CADPS: variants seen among roughly 807,000 people sequenced by gnomAD.
CADPS encodes the protein calcium dependent secretion activator.
Under a neutral mutation model 167.3 loss-of-function variants are expected in CADPS, and 57 were observed. That is an observed-to-expected ratio of 0.34 (90% CI 0.28 to 0.42). The LOEUF (loss-of-function observed/expected upper bound fraction) is 0.42, where lower values mean the gene tolerates loss of function less well. Among genes scored for constraint, CADPS ranks in the 20% least tolerant of loss-of-function variants. CADPS has a pLI of 1.00. For synonymous variants in CADPS, 676 were observed against 635.3 expected, an observed-to-expected ratio of 1.06 and a Z score of -0.96; for missense variants, 1,414 against 1,738.1, an observed-to-expected ratio of 0.81 and a Z score of 3.32.
chr3:62,855,664 C>G (rs1413713220), intron 1 of CADPS, among the ~76,000 whole-genome samples: 1 of 152,032 alleles, frequency 6.6e-6, no homozygotes, highest in African/African-American at 2.4e-5. Flanking sequence ...CGTAAGTTGT[C>G]AAATGTCTAG....
At chr3:62,771,587 TAGAG>T (rs551332551) in intron 1 of CADPS, among the ~76,000 whole-genome samples, 1 of 152,158 alleles carries the variant, frequency 6.6e-6, no homozygotes, top group African/African-American at 2.4e-5. Context: ...ATGAGCCGCT[TAGAG>T]AGAGAATCCT....
intron 1 of CADPS, among the ~76,000 whole-genome samples, chr3:62,821,319 C>G (rs1051985434): frequency 6.8e-6 from 1 of 147,256 alleles, no homozygotes; most frequent in Non-Finnish European, 1.5e-5. Flanking sequence ...TGTTGGTTTT[C>G]TAGGCTGCCT....
chr3:62,475,141 A>T (rs1282235424), intron 23 of CADPS, among the ~76,000 whole-genome samples: 1 of 152,262 alleles, frequency 6.6e-6, no homozygotes, highest in East Asian at 1.9e-4. Context: ...CATAATTCTG[A>T]CATTGGTCAA....
intron 1 of CADPS, among the ~76,000 whole-genome samples, chr3:62,797,631 A>G (rs568082294): frequency 6.6e-6 from 1 of 152,238 alleles, no homozygotes; most frequent in South Asian, 2.1e-4. Context: ...ACATGGACAC[A>G]TAGAGAAGAA....
chr3:62,646,331 ATT>A (rs966175782), intron 5 of CADPS, among the ~76,000 whole-genome samples: 2 of 144,466 alleles, frequency 1.4e-5, no homozygotes, highest in African/African-American at 2.5e-5. Flanking sequence ...TGCCCAGCTA[ATT>A]TTTTTTTTTT....
chr3:62,595,664 G>A lies in CADPS; in HGVS notation c.1326-2916C>T, dbSNP rs141509627. On this transcript the variant is annotated intron_variant, in intron 6 of 29. Transcript: ENST00000383710. ...TATTTATTTAATGATTAGATGACAT[G>A]TAATAATTGTACATATTTATAGCTA... Among the ~76,000 whole-genome samples the A allele has an allele frequency of 5.4e-3, 821 of 152,246 alleles. 7 individuals are homozygous for A. Among genetic ancestry groups the A allele is most frequent in the African/African-American group, 0.019 (778 of 41,534 alleles).
At chr3:62,403,409 A>T (rs1707148641) in intron 28 of CADPS, 1 of 340,560 alleles carries the variant, frequency 2.9e-6, no homozygotes, top group Admixed American at 4.7e-5. Flanking sequence ...GACAGTTAGG[A>T]CTTCGAATCT....
At chr3:62,624,263 G>A (rs2063641977) in intron 6 of CADPS, among the ~76,000 whole-genome samples, 1 of 152,102 alleles carries the variant, frequency 6.6e-6, no homozygotes, top group South Asian at 2.1e-4. Flanking sequence ...GTTTGTATCT[G>A]ACTGCTTTGG....
intron 3 of CADPS, among the ~76,000 whole-genome samples, chr3:62,701,352 C>T (rs1485219598): frequency 2.0e-5 from 3 of 152,048 alleles, no homozygotes; most frequent in South Asian, 4.1e-4. Context: ...CTGAAAGCCA[C>T]CCCACTTAAG....
At chr3:62,596,603 A>G (rs2058981880) in intron 6 of CADPS, among the ~76,000 whole-genome samples, 1 of 152,218 alleles carries the variant, frequency 6.6e-6, no homozygotes, top group African/African-American at 2.4e-5. Context: ...TGTTGGAAAC[A>G]TTCAAAATCC....
intron 3 of CADPS, among the ~76,000 whole-genome samples, chr3:62,744,723 A>C (rs1399553158): frequency 6.6e-6 from 1 of 152,260 alleles, no homozygotes; most frequent in African/African-American, 2.4e-5. Context: ...AAGACTTTGA[A>C]TAAATGAGCA....
intron 1 of CADPS, among the ~76,000 whole-genome samples, chr3:62,866,462 G>A (rs1310941972): frequency 6.6e-6 from 1 of 151,962 alleles, no homozygotes; most frequent in Non-Finnish European, 1.5e-5. Flanking sequence ...ACAGTCTAGT[G>A]AGTGATAGGC....
At chr3:62,591,914 A>T (rs1173593972) in intron 7 of CADPS, among the ~76,000 whole-genome samples, 2 of 152,172 alleles carry the variant, frequency 1.3e-5, no homozygotes, top group Non-Finnish European at 2.9e-5. Context: ...ACTTTTGAAT[A>T]TTCCCATGGG....
chr3:62,417,023 C>G (rs879422093), intron 28 of CADPS, among the ~76,000 whole-genome samples: 1 of 151,828 alleles, frequency 6.6e-6, no homozygotes, highest in Non-Finnish European at 1.5e-5. Flanking sequence ...GTAGCTGGGA[C>G]TACAGGCGTG....
At chr3:62,792,797 T>C (rs1459658686) in intron 1 of CADPS, among the ~76,000 whole-genome samples, 1 of 151,468 alleles carries the variant, frequency 6.6e-6, no homozygotes, top group African/African-American at 2.4e-5. Context: ...AGGGTCTCAC[T>C]ATGTTTCTCA....
At chr3:62,830,916 A>C (rs2074958016) in intron 1 of CADPS, among the ~76,000 whole-genome samples, 1 of 152,198 alleles carries the variant, frequency 6.6e-6, no homozygotes, top group Non-Finnish European at 1.5e-5. Flanking sequence ...GACTTTGCCA[A>C]CTGTCAGCCA....
In CADPS at chr3:62,565,303, T is replaced by C. The variant is rs2079947757; in HGVS notation, c.1644+5569A>G. Among the ~76,000 whole-genome samples, 3 of 152,204 alleles carry C rather than the reference T, an allele frequency of 2.0e-5. No homozygotes were observed. In the South Asian group the frequency reaches 6.2e-4, roughly 32 times the overall value. ...AGGAAGATGGCGAGAGGAGGCTTTA[T>C]TGTGCCATTTGAATATAGTCATCTA... On this transcript the variant is annotated intron_variant, in intron 9 of 29. Coordinates refer to ENST00000383710, the MANE Select transcript of CADPS (RefSeq NM_003716.4).
chr3:62,478,434 A>C lies in CADPS; in HGVS notation c.3174-18T>G. 6.2e-7 allele frequency: 1 copy of C among 1,608,414 alleles called. No individual in the cohort carries two copies. The highest frequency in any genetic ancestry group is 1.1e-5 in the South Asian group (1 of 90,244). ...ACCCATTACTGGCAGGACAAAAATT[A>C]GAAAATGAGAGTCACCCACTGGCCT... On this transcript the variant is annotated intron_variant, in intron 22 of 29. Transcript: ENST00000383710. The surrounding 1 kb of genome is among the most constrained non-coding windows in gnomAD (Gnocchi z 5.7).
At chr3:62,698,548 G>C (rs914259194) in intron 3 of CADPS, among the ~76,000 whole-genome samples, 7 of 151,960 alleles carry the variant, frequency 4.6e-5, no homozygotes, top group Admixed American at 3.3e-4. Flanking sequence ...CTCAGGGCTC[G>C]TCTTTTGCCC....
Sources: gnomAD v4.1 joint callset for allele counts (sites outside exome capture counted in the v4.1 genomes callset) on GRCh38, gnomAD v4.1.1 for gene constraint, Gnocchi (gnomAD v3.1) non-coding constraint, MANE v1.5 for transcripts, NCBI Gene and HGNC (gene_info 2026-07-23, HGNC 2026-07-21) for gene names.